The following LRRC7 variants were observed in gnomAD, a reference collection of about 807,000 sequenced individuals.
LRRC7 encodes the protein leucine rich repeat containing 7, also known as leucine-rich repeat-containing protein 7.
Under a neutral mutation model 175.7 loss-of-function variants are expected in LRRC7, and 23 were observed. That is an observed-to-expected ratio of 0.13 (90% confidence interval 0.09 to 0.19). LRRC7 has a LOEUF of 0.19. Ranked by LOEUF, LRRC7 falls within the 10% of genes least tolerant of loss-of-function variation. LRRC7 has a pLI of 1.00. For missense variants in LRRC7, 1,354 were observed against 1,904.7 expected, an observed-to-expected ratio of 0.71 and a Z score of 5.38; for synonymous variants, 685 against 680.9, an observed-to-expected ratio of 1.01 and a Z score of -0.09.
At chr1:69,710,010 T>A (rs1213072230) in intron 2 of LRRC7, among the ~76,000 whole-genome samples, 2 of 151,920 alleles carry the variant, frequency 1.3e-5, no homozygotes, top group Admixed American at 6.6e-5. Context: ...CGGTGTGGTG[T>A]CTTACACCTG....
intron 1 of LRRC7, among the ~76,000 whole-genome samples, chr1:69,634,846 C>T (rs1299248442): frequency 6.6e-6 from 1 of 152,044 alleles, no homozygotes; most frequent in East Asian, 1.9e-4. Flanking sequence ...GACTGGGCCG[C>T]AGACTGAAGC....
intron 2 of LRRC7, among the ~76,000 whole-genome samples, chr1:69,747,180 A>C (rs1399459242): frequency 6.6e-6 from 1 of 152,174 alleles, no homozygotes; most frequent in African/African-American, 2.4e-5. Flanking sequence ...GGACTCAAAA[A>C]ATGAATGTTG....
chr1:70,011,444 C>T (rs1168042498), intron 11 of LRRC7, among the ~76,000 whole-genome samples: 1 of 152,088 alleles, frequency 6.6e-6, no homozygotes, highest in Non-Finnish European at 1.5e-5. Context: ...CTGCCCTCTC[C>T]ACCCTTCTCC....
At chr1:69,652,376 C>T (rs933404989) in intron 1 of LRRC7, among the ~76,000 whole-genome samples, 13 of 149,594 alleles carry the variant, frequency 8.7e-5, no homozygotes, top group Admixed American at 8.6e-4. Flanking sequence ...AATTAAGAAA[C>T]TAATCTTATC....
At chr1:69,944,901 G>C (rs1649142593) in intron 8 of LRRC7, among the ~76,000 whole-genome samples, 1 of 151,678 alleles carries the variant, frequency 6.6e-6, no homozygotes, top group Non-Finnish European at 1.5e-5. Context: ...ATATATTTTA[G>C]ATATTGATCC....
chr1:69,831,491 C>T (rs970331305), intron 5 of LRRC7, among the ~76,000 whole-genome samples: 5 of 151,956 alleles, frequency 3.3e-5, no homozygotes, highest in Non-Finnish European at 5.9e-5. Flanking sequence ...GTAAACCCTG[C>T]CCTCTCCTGA....
At chr1:69,930,653 A>G (rs1353682987) in intron 7 of LRRC7, among the ~76,000 whole-genome samples, 9 of 152,206 alleles carry the variant, frequency 5.9e-5, no homozygotes, top group Middle Eastern at 3.2e-3. Flanking sequence ...TCACACTGCT[A>G]TAAAGAAGTG....
Position 70,039,698 on chromosome 1 carries a change from C to T in LRRC7, c.3874C>T (p.Pro1292Ser). ...AGATAACAGTGATTTAAAGACGAGG[C>T]CTACTCCTGTGAAGGGAGAGGAGAG... Reference protein sequence around the residue: ...PSDNSDLKTRPTPVKGEESCG... With the variant: ...PSDNSDLKTRSTPVKGEESCG... The change falls in exon 21 of 27, where the codon CCT becomes TCT. Residue 1292 changes from proline to serine, a missense_variant. Pro to Ser is a moderately conservative substitution (Grantham distance 74). Around this residue, in one of 4 missense-constraint regions of LRRC7, gnomAD observed 1,032 missense variants for 1,227.2 expected, o/e 0.84. Coordinates refer to ENST00000651989, the MANE Select transcript of LRRC7 (RefSeq NM_001370785.2). 2 of 1,614,062 alleles carry T rather than the reference C, an allele frequency of 1.2e-6. No individual in the cohort carries two copies. The highest frequency in any genetic ancestry group is 1.7e-6 in the Non-Finnish European group (2 of 1,179,996).
At position 69,696,815 on chromosome 1, in the gene LRRC7, C is replaced by T. The variant is rs150494110; in HGVS notation, c.100+18337C>T. ...TGCTAGTTCTCATGTTGCCTTCTGCCATGAATTTATAAGCTTCCTTAAGAC... is the reference window on the plus strand; with the variant it reads ...TGCTAGTTCTCATGTTGCCTTCTGCTATGAATTTATAAGCTTCCTTAAGAC... On this transcript the variant is annotated intron_variant, in intron 2 of 26. Coordinates refer to ENST00000651989, the MANE Select transcript of LRRC7 (RefSeq NM_001370785.2). 6.6e-4 allele frequency among the ~76,000 whole-genome samples: 101 copies of T among 152,270 alleles called. 1 individual carries two copies. Among genetic ancestry groups the T allele is most frequent in the African/African-American group, 2.1e-3 (88 of 41,556 alleles).
chr1:69,791,878 G>A (rs977248366), intron 3 of LRRC7, among the ~76,000 whole-genome samples, 165 bp from the exon 4 acceptor site: 1 of 151,986 alleles, frequency 6.6e-6, no homozygotes, highest in Non-Finnish European at 1.5e-5. Flanking sequence ...AGAATGTGAA[G>A]CCATTCAGAA....
intron 7 of LRRC7, among the ~76,000 whole-genome samples, chr1:69,860,593 T>G (rs1292809285): frequency 1.3e-5 from 2 of 151,406 alleles, no homozygotes; most frequent in Non-Finnish European, 2.9e-5. Flanking sequence ...TTTTATAAGA[T>G]GATTGGAAAT....
chr1:69,699,132 T>C (rs1663005558), intron 2 of LRRC7, among the ~76,000 whole-genome samples: 1 of 152,152 alleles, frequency 6.6e-6, no homozygotes, highest in African/African-American at 2.4e-5. Context: ...CCCTTGAGAT[T>C]TGAAAAAGGA....
chr1:69,959,982 G>A (rs1329947930), intron 8 of LRRC7, among the ~76,000 whole-genome samples: 1 of 152,084 alleles, frequency 6.6e-6, no homozygotes, highest in Non-Finnish European at 1.5e-5. Context: ...TTTGGTATCA[G>A]GATAATGCTG....
chr1:69,784,227 A>T (rs534520688), intron 3 of LRRC7, among the ~76,000 whole-genome samples: 43 of 152,314 alleles, frequency 2.8e-4, no homozygotes, highest in South Asian at 1.0e-3. Flanking sequence ...CTGTTGTAAA[A>T]GCATAAACAG....
chr1:70,052,928 C>CA (rs1481556273), intron 22 of LRRC7, 98 bp from the exon 23 acceptor site: 1 of 1,273,284 alleles, frequency 7.9e-7, no homozygotes, highest in Admixed American at 2.7e-5. Flanking sequence ...TGCAATTAAA[C>CA]AAAATTAATT....
chr1:69,815,473 G>A (rs1476679264), intron 4 of LRRC7, among the ~76,000 whole-genome samples: 1 of 151,984 alleles, frequency 6.6e-6, no homozygotes, highest in Admixed American at 6.6e-5. Flanking sequence ...TAAGAACAAG[G>A]CAACTTTAAA....
In LRRC7 at chr1:70,023,183, G is replaced by A. The variant is rs766365842; in HGVS notation, c.1603G>A (p.Ala535Thr). The change falls in exon 17 of 27, where the codon GCC becomes ACC. Residue 535 changes from alanine to threonine, a missense_variant. By Grantham distance (58) the Ala-to-Thr change is moderately conservative (BLOSUM62 0). Coordinates refer to ENST00000651989, the MANE Select transcript of LRRC7 (RefSeq NM_001370785.2). ...RGQRGITLQP[A>T]RLSGDCCTPW... ...CCAGCGTGGGATTACTCTCCAACCT[G>A]CCAGACTGTCTGGCGATTGCTGCAC... 9 of 1,567,684 alleles carry A rather than the reference G, an allele frequency of 5.7e-6. No homozygotes were observed. The highest frequency in any genetic ancestry group is 7.8e-6 in the Non-Finnish European group (9 of 1,150,870).
chr1:69,823,943 A>G (rs903568799), intron 4 of LRRC7, among the ~76,000 whole-genome samples: 1 of 152,186 alleles, frequency 6.6e-6, no homozygotes, highest in African/African-American at 2.4e-5. Context: ...CTAGGATTCC[A>G]TCTCGAGCCA....
rs546096950 is a variant in LRRC7 at position 70,093,825 on chromosome 1, T to TAATAATTTCCA, written c.4545+4008_4545+4018dup. ...TGCTTGTATGTAAGCACTCATAAAATAATAATTTCCAATTGCAAAATTTAA... is the reference window on the plus strand; with the variant it reads ...TGCTTGTATGTAAGCACTCATAAAATAATAATTTCCAAATAATTTCCAATTGCAAAATTTAA... On this transcript the variant is annotated intron_variant, in intron 25 of 26. Transcript: ENST00000651989. 2.6e-3 allele frequency among the ~76,000 whole-genome samples: 398 copies of TAATAATTTCCA among 152,292 alleles called. 4 individuals carry two copies. The highest frequency in any genetic ancestry group is 0.011 in the East Asian group (57 of 5,182).
Sources: gnomAD v4.1 joint callset for allele counts (sites outside exome capture counted in the v4.1 genomes callset) on GRCh38, gnomAD v4.1.1 for gene constraint, gnomAD v4.1.1 regional missense constraint, MANE v1.5 for transcripts, NCBI Gene and HGNC (gene_info 2026-07-23, HGNC 2026-07-21) for gene names.